The following SELENOS variants were observed in gnomAD, a reference collection of about 807,000 sequenced individuals.
SELENOS encodes the protein selenoprotein S.
SELENOS carries 37 observed loss-of-function variants against 30.2 expected under a neutral mutation model. The ratio of observed to expected loss-of-function variants is 1.23; its 90% CI spans 0.94 to 1.61. The LOEUF (loss-of-function observed/expected upper bound fraction) is 1.61. Ranked by LOEUF, SELENOS falls within the 40% of genes most tolerant of loss-of-function variation. SELENOS has a pLI of 0.00. For missense variants in SELENOS, 289 were observed against 231.8 expected (o/e 1.25, Z -1.60); for synonymous variants, 119 against 91.6 (o/e 1.30, Z -1.71).
chr15:101,273,371 G>C (rs374539687), intron 5 of SELENOS, among the ~76,000 whole-genome samples: 92 of 152,236 alleles, frequency 6.0e-4, no homozygotes, highest in African/African-American at 2.2e-3. Context: ...GAGTGCTAAG[G>C]TTCTAGGGCC....
At position 101,272,806 on chromosome 15, in the gene SELENOS, C is replaced by G; in HGVS notation, c.535G>C (p.Gly179Arg). 6.2e-7 allele frequency: 1 copy of G among 1,610,528 alleles called. No homozygotes were observed. The highest frequency in any genetic ancestry group is 8.5e-7 in the Non-Finnish European group (1 of 1,178,508). Residue 179 changes from glycine to arginine, a missense_variant, in exon 6 of 6, where the codon GGA becomes CGA. Coordinates refer to ENST00000526049, the MANE Select transcript of SELENOS (RefSeq NM_018445.6). ...CCGCCAGATGACGGGCCTCTGCGTC[C>G]AGGTCTCCAGGAGCAAGCTCCGCCT... Reference protein sequence around the residue: ...EGGGACSWRPGRRGPSSGGUG With the variant: ...EGGGACSWRPRRRGPSSGGUG
Position 101,276,679 on chromosome 15 carries a change from A to T in SELENOS, c.77-4T>A. On this transcript the variant is annotated splice_polypyrimidine_tract_variant and splice_region_variant and intron_variant, in intron 1 of 5. Transcript: ENST00000526049. ...TAGGTGGCCAGCAGGGAGCCCACTG[A>T]AAAGAAAAACAGTTTTCAAAAAACT... is the stretch of plus-strand genomic sequence containing the variant. 1 of 1,599,162 alleles carries T rather than the reference A, an allele frequency of 6.3e-7. No individual in the cohort carries two copies. The highest frequency in any genetic ancestry group is 8.5e-7 in the Non-Finnish European group (1 of 1,176,098).
At position 101,277,484 on chromosome 15, in the gene SELENOS, C is replaced by T. The variant is rs2039346108; in HGVS notation, c.-67G>A. The T allele has an allele frequency of 2.9e-6, 4 of 1,359,612 alleles. No individual in the cohort carries two copies. Among genetic ancestry groups the T allele is most frequent in the Non-Finnish European group, 3.7e-6 (4 of 1,067,014 alleles). The allele number at this position is 1,359,612 out of a possible 1,614,324, so 84.2% of individuals were successfully genotyped here. A position where few individuals can be genotyped will look rare whatever the true frequency, so the allele number is the denominator to read the frequency against. On this transcript the variant is annotated 5_prime_UTR_variant, in exon 1 of 6. Transcript: ENST00000526049. ...CCAGCCGGGCGCTTCCGGTGCGCTC[C>T]TACGCACACGTGGCGCGCCCGGACG... is the stretch of plus-strand genomic sequence containing the variant.
Position 101,272,690 on chromosome 15 carries a change from T to C in SELENOS, c.*81A>G, listed in dbSNP as rs1012143756. The stretch of plus-strand genomic sequence containing the variant: ...ACCCCACCTCCCCTTGGCTAGTCAC[T>C]GTGAAAAGCGTGCGTAAGGCAATTG... On this transcript the variant is annotated 3_prime_UTR_variant, in exon 6 of 6. Coordinates refer to ENST00000526049, the MANE Select transcript of SELENOS (RefSeq NM_018445.6). 2 of 1,429,944 alleles carry C rather than the reference T, an allele frequency of 1.4e-6. No individual in the cohort carries two copies. Among genetic ancestry groups the C allele is most frequent in the South Asian group, 1.2e-5 (1 of 81,418 alleles). The allele number at this position is 1,429,944 out of a possible 1,614,324, so 88.6% of individuals were successfully genotyped here. A position where few individuals can be genotyped will look rare whatever the true frequency, so the allele number is the denominator to read the frequency against.
In SELENOS at chr15:101,277,475, G is replaced by A. The variant is rs970961116; in HGVS notation, c.-58C>T. The stretch of plus-strand genomic sequence containing the variant: ...GCCGCGCCTCCAGCCGGGCGCTTCC[G>A]GTGCGCTCCTACGCACACGTGGCGC... On this transcript the variant is annotated 5_prime_UTR_variant, in exon 1 of 6. Coordinates refer to ENST00000526049, the MANE Select transcript of SELENOS (RefSeq NM_018445.6). The A allele has an allele frequency of 7.2e-6, 10 of 1,390,348 alleles. No homozygotes were observed. The highest frequency in any genetic ancestry group is 8.3e-6 in the Non-Finnish European group (9 of 1,083,260). The allele number at this position is 1,390,348 out of a possible 1,614,324, so 86.1% of individuals were successfully genotyped here.
chr15:101,271,058 C>T (rs1271320812), downstream of SELENOS: 4 of 152,154 alleles, frequency 2.6e-5, no homozygotes, highest in Non-Finnish European at 1.5e-5. Context: ...CTATTTATAA[C>T]AAACTCTTGT....
chr15:101,275,391 G>C (rs1048338646), intron 2 of SELENOS, 30 bp from the exon 3 acceptor site: 2 of 1,521,076 alleles, frequency 1.3e-6, no homozygotes, highest in Admixed American at 4.4e-5. Flanking sequence ...TGGAGATAAA[G>C]CACTGTGTAC....
intron 1 of SELENOS, 176 bp downstream of exon 1, chr15:101,277,166 G>C: frequency 8.8e-7 from 1 of 1,130,744 alleles, no homozygotes; most frequent in South Asian, 1.3e-5. Flanking sequence ...TGCGGCTCCC[G>C]AGAAGCCTCC....
chr15:101,277,067 G>C (rs2039336151), intron 1 of SELENOS: 1 of 637,354 alleles, frequency 1.6e-6, no homozygotes, highest in African/African-American at 1.8e-5. Context: ...AACGCCAACG[G>C]CCGAGTGACC....
chr15:101,272,848 G>C lies in SELENOS; in HGVS notation c.493C>G (p.Pro165Ala), dbSNP rs371241359. The stretch of plus-strand genomic sequence containing the variant: ...GCTCCGCCTCCTTCACCAGACAACG[G>C]GTTATAACCTGGGAGGACAGAAAAG... ...RKPLRGGGYN[P>A]LSGEGGGACS... The change falls in exon 6 of 6, where the codon CCG becomes GCG. Residue 165 changes from proline (P) to alanine (A), a missense_variant. Transcript: ENST00000526049. 1 of 1,606,736 alleles carries C rather than the reference G, an allele frequency of 6.2e-7. No homozygotes were observed. The highest frequency in any genetic ancestry group is 1.3e-5 in the African/African-American group (1 of 74,752).
rs2039276465 is a variant in SELENOS, at chr15:101,272,330, TAC to T, written c.*439_*440del. On this transcript the variant is annotated 3_prime_UTR_variant, in exon 6 of 6. Transcript: ENST00000526049. ...AAAGTTCTGTACATAAAAATAAATATACAGAAACAAACCCCATCAACTGTCCA... is the reference window on the plus strand; with the variant it reads ...AAAGTTCTGTACATAAAAATAAATATAGAAACAAACCCCATCAACTGTCCA... 1 of 153,308 alleles carries T rather than the reference TAC, an allele frequency of 6.5e-6. No individual in the cohort carries two copies. Among genetic ancestry groups the T allele is most frequent in the Non-Finnish European group, 1.5e-5 (1 of 68,822 alleles). 9.5% of individuals were successfully genotyped at this position (153,308 alleles called of 1,614,324 possible). A position where few individuals can be genotyped will look rare whatever the true frequency, so the allele number is the denominator to read the frequency against.
chr15:101,270,850 G>A (rs2039259514), downstream of SELENOS: 1 of 152,094 alleles, frequency 6.6e-6, no homozygotes, highest in South Asian at 2.1e-4. Context: ...CACAACGCAA[G>A]TTTCCCCTCC....
At position 101,275,376 on chromosome 15, in the gene SELENOS, A is replaced by G. The variant is rs1037700972; in HGVS notation, c.212-15T>C. On this transcript the variant is annotated splice_polypyrimidine_tract_variant and intron_variant, in intron 2 of 5. Coordinates refer to ENST00000526049, the MANE Select transcript of SELENOS (RefSeq NM_018445.6). ...AACATCAGGTTCTAAAATGTCAGAA[A>G]AAAATGGAGATAAAGCACTGTGTAC... The G allele has an allele frequency of 1.3e-6, 2 of 1,543,140 alleles. No homozygotes were observed. The highest frequency in any genetic ancestry group is 1.4e-5 in the African/African-American group (1 of 72,496).
chr15:101,273,588 T>A (rs1050865384), intron 5 of SELENOS, among the ~76,000 whole-genome samples: 1 of 152,166 alleles, frequency 6.6e-6, no homozygotes, highest in African/African-American at 2.4e-5. Context: ...AAATATCACC[T>A]CTATGTGTCT....
intron 3 of SELENOS, 189 bp downstream of exon 3, chr15:101,275,066 T>A (rs2039308718): frequency 5.1e-6 from 3 of 588,556 alleles, no homozygotes; most frequent in Non-Finnish European, 5.9e-6. Context: ...ACACATCTAG[T>A]GTTCCCTAAC....
rs187557750 is a variant in SELENOS at position 101,274,795 on chromosome 15, C to T, written c.319-114G>A. 2.0e-5 allele frequency: 22 copies of T among 1,119,044 alleles called. No homozygotes were observed. In the East Asian group the frequency reaches 4.6e-4, roughly 23 times the overall value. 69.3% of individuals were successfully genotyped at this position (1,119,044 alleles called of 1,614,324 possible). A position where few individuals can be genotyped will look rare whatever the true frequency, so the allele number is the denominator to read the frequency against. ...TGTCTTTCAGAACAAACTTCACCCT[C>T]GTTTTCTTTAGTTAATAAAACTGTT... On this transcript the variant is annotated intron_variant, in intron 3 of 5. Coordinates refer to ENST00000526049, the MANE Select transcript of SELENOS (RefSeq NM_018445.6).
Position 101,277,426 on chromosome 15 carries a change from C to T in SELENOS, c.-9G>A. The T allele has an allele frequency of 2.0e-6, 3 of 1,464,410 alleles. No individual in the cohort carries two copies. The highest frequency in any genetic ancestry group is 2.7e-6 in the Non-Finnish European group (3 of 1,115,572). The allele number at this position is 1,464,410 out of a possible 1,614,324, so 90.7% of individuals were successfully genotyped here. On this transcript the variant is annotated 5_prime_UTR_variant, in exon 1 of 6. Coordinates refer to ENST00000526049, the MANE Select transcript of SELENOS (RefSeq NM_018445.6). ...TCCTCTTGGCGTTCCATGACCGCCG[C>T]CGCCGCCGCCGCCCAGCCCTGCCGC...
At position 101,275,344 on chromosome 15, in the gene SELENOS, T is replaced by C. The variant is rs199744629; in HGVS notation, c.229A>G (p.Lys77Glu). ...AAAVEPDVVVKRQEALAAARL... is the reference protein window; with the variant it reads ...AAAVEPDVVVERQEALAAARL... ...GCAGCTGCTAAAGCTTCTTGTCGTT[T>C]AACAACAACATCAGGTTCTAAAATG... The change falls in exon 3 of 6, where the codon AAA becomes GAA. Residue 77 changes from lysine to glutamate, a missense_variant. By Grantham distance (56) the Lys-to-Glu change is moderately conservative (BLOSUM62 1). Transcript: ENST00000526049. 98 of 1,577,320 alleles carry C rather than the reference T, an allele frequency of 6.2e-5. No individual in the cohort carries two copies. The highest frequency in any genetic ancestry group is 5.1e-4 in the Admixed American group (27 of 53,382).
In SELENOS at chr15:101,275,316, C is replaced by T. The variant is rs1265189156; in HGVS notation, c.257G>A (p.Arg86Gln). ...ATTTAGTTCTTCTTGCATTTTCAGT[C>T]GAGCAGCTGCTAAAGCTTCTTGTCG... ...VKRQEALAAARLKMQEELNAQ... is the reference protein window; with the variant it reads ...VKRQEALAAAQLKMQEELNAQ... The change falls in exon 3 of 6, where the codon CGA becomes CAA. Residue 86 changes from arginine (R) to glutamine (Q), a missense_variant. By Grantham distance (43) the Arg-to-Gln change is conservative. Coordinates refer to ENST00000526049, the MANE Select transcript of SELENOS (RefSeq NM_018445.6). 7.6e-6 allele frequency: 12 copies of T among 1,581,384 alleles called. No homozygotes were observed. Among genetic ancestry groups the T allele is most frequent in the Admixed American group, 3.7e-5 (2 of 54,146 alleles).
Sources: gnomAD v4.1 joint callset for allele counts (sites outside exome capture counted in the v4.1 genomes callset) on GRCh38, gnomAD v4.1.1 for gene constraint, MANE v1.5 for transcripts, NCBI Gene and HGNC (gene_info 2026-07-23, HGNC 2026-07-21) for gene names.